Variants in ANKFN1 observed in about 807,000 individuals in gnomAD.
ANKFN1 encodes ankyrin repeat and fibronectin type-III domain-containing protein 1.
A neutral mutation model predicts 108.7 loss-of-function variants in ANKFN1; 74 were observed. That is an observed-to-expected ratio of 0.68 (90% CI 0.56 to 0.83). The LOEUF is 0.83. Ranked by LOEUF, ANKFN1 falls within the 40% of genes least tolerant of loss-of-function variation. ANKFN1 has a pLI of 0.00. For synonymous variants in ANKFN1, 547 were observed against 516.2 expected (o/e 1.06, Z -0.81); for missense variants, 1,505 against 1,382.3 (o/e 1.09, Z -1.41).
chr17:56,381,857 ACT>A (rs1410479386), intron 8 of ANKFN1, among the ~76,000 whole-genome samples: 5 of 152,210 alleles, frequency 3.3e-5, no homozygotes, highest in Non-Finnish European at 5.9e-5. Flanking sequence ...GTTGGAAAAC[ACT>A]CTGCAGGATA....
intron 8 of ANKFN1, among the ~76,000 whole-genome samples, chr17:56,417,953 T>C (rs2048289546): frequency 6.6e-6 from 1 of 152,200 alleles, no homozygotes. Context: ...TACATGAGTG[T>C]TTTCTTGAAT....
At chr17:56,471,521 G>A (rs1429995515) in intron 15 of ANKFN1, 5 of 152,160 alleles carry the variant, frequency 3.3e-5, no homozygotes, top group Admixed American at 3.3e-4. Flanking sequence ...GAATCAGAAA[G>A]ATTGCTGGAA....
chr17:56,203,474 G>A (rs569670219), intron 1 of ANKFN1, among the ~76,000 whole-genome samples: 17 of 152,148 alleles, frequency 1.1e-4, no homozygotes, highest in South Asian at 6.2e-4. Flanking sequence ...TTTGATCTCC[G>A]TGGCCAGTCT....
intron 4 of ANKFN1, among the ~76,000 whole-genome samples, chr17:56,109,716 GA>G (rs2143245215): frequency 6.6e-6 from 1 of 152,330 alleles, no homozygotes; most frequent in African/African-American, 2.4e-5. Context: ...GAGGAGGTAG[GA>G]AGTACAGTAT....
intron 4 of ANKFN1, among the ~76,000 whole-genome samples, chr17:56,067,249 A>G (rs1379828127): frequency 6.6e-6 from 1 of 152,030 alleles, no homozygotes. Context: ...TATATACCAC[A>G]TTTTGTTTAT....
intron 4 of ANKFN1, among the ~76,000 whole-genome samples, chr17:56,058,551 G>A (rs1162316913): frequency 6.6e-6 from 1 of 152,030 alleles, no homozygotes; most frequent in East Asian, 1.9e-4. Context: ...GTGGTTCACT[G>A]TGCCTATTGA....
chr17:56,196,804 C>T (rs2143729090), intron 1 of ANKFN1, among the ~76,000 whole-genome samples: 1 of 152,266 alleles, frequency 6.6e-6, no homozygotes, highest in South Asian at 2.1e-4. Context: ...TTTTGAGCTG[C>T]CATAGCTGTT....
intron 2 of ANKFN1, among the ~76,000 whole-genome samples, chr17:56,219,603 A>G (rs1036918884): frequency 1.3e-5 from 2 of 152,216 alleles, no homozygotes; most frequent in African/African-American, 4.8e-5. Context: ...AATTTATGAT[A>G]TTGACATGCT....
intron 3 of ANKFN1, among the ~76,000 whole-genome samples, chr17:56,266,942 C>T (rs765093634): frequency 6.6e-6 from 1 of 152,126 alleles, no homozygotes; most frequent in Non-Finnish European, 1.5e-5. Flanking sequence ...CTCTTTTCTG[C>T]CTTGGCTACC....
In ANKFN1 at chr17:56,515,171, C is replaced by T. The variant is rs1428242248; in HGVS notation, c.*3902C>T. 6.6e-6 allele frequency among the ~76,000 whole-genome samples: 1 copy of T among 152,086 alleles called. No homozygotes were observed. The highest frequency in any genetic ancestry group is 1.5e-5 in the Non-Finnish European group (1 of 68,004). On this transcript the variant is annotated 3_prime_UTR_variant, in exon 21 of 21. Coordinates refer to ENST00000682825, the MANE Select transcript of ANKFN1 (RefSeq NM_001370326.1). ...ATTCACTGGCTTCTGAAAATGTACA[C>T]ATGTTAGGAAGGTGATGACATTTTT...
chr17:56,257,587 A>T (rs1490652434), intron 3 of ANKFN1, among the ~76,000 whole-genome samples: 1 of 152,118 alleles, frequency 6.6e-6, no homozygotes, highest in Non-Finnish European at 1.5e-5. Context: ...AACCCTTGCC[A>T]GTTTACTCAC....
At chr17:56,368,606 A>G (rs1295757162) in intron 6 of ANKFN1, among the ~76,000 whole-genome samples, 2 of 151,830 alleles carry the variant, frequency 1.3e-5, no homozygotes, top group African/African-American at 4.8e-5. Context: ...TTTTAATGGC[A>G]ATAGGACATT....
At chr17:56,182,717 C>T (rs1852269083) in intron 1 of ANKFN1, among the ~76,000 whole-genome samples, 1 of 152,172 alleles carries the variant, frequency 6.6e-6, no homozygotes, top group East Asian at 1.9e-4. Flanking sequence ...AACAGATTTT[C>T]AATGTAGGAA....
rs1401353955 is a variant in ANKFN1, at chr17:56,188,605, A to G, written c.-70-23993A>G. 3.9e-4 allele frequency among the ~76,000 whole-genome samples: 53 copies of G among 134,508 alleles called. 2 individuals are homozygous for G. The highest frequency in any genetic ancestry group is 1.5e-3 in the African/African-American group (50 of 34,250). 88.2% of individuals were successfully genotyped at this position (134,508 alleles called of 152,430 possible). ...TGTATATATATATATATATATATAT[A>G]TATATATATATGAAATATCCATATT... On this transcript the variant is annotated intron_variant, in intron 1 of 20. Coordinates refer to ENST00000682825, the MANE Select transcript of ANKFN1 (RefSeq NM_001370326.1).
At chr17:56,219,732 AG>A (rs1915705387) in intron 2 of ANKFN1, among the ~76,000 whole-genome samples, 1 of 152,018 alleles carries the variant, frequency 6.6e-6, no homozygotes. Flanking sequence ...TTGTTTTGGG[AG>A]TCAGTTTTGA....
intron 2 of ANKFN1, among the ~76,000 whole-genome samples, chr17:56,216,105 CT>C (rs982169553): frequency 3.9e-5 from 6 of 152,124 alleles, no homozygotes; most frequent in South Asian, 2.1e-4. Context: ...TTCAGTGGGG[CT>C]TTTTTCCCCC....
At chr17:56,248,408 T>G (rs1567862394) in intron 3 of ANKFN1, among the ~76,000 whole-genome samples, 1 of 152,238 alleles carries the variant, frequency 6.6e-6, no homozygotes, top group Non-Finnish European at 1.5e-5. Context: ...CATTCATTAG[T>G]ATACACAATC....
intron 3 of ANKFN1, among the ~76,000 whole-genome samples, chr17:56,280,024 T>TTTTTTC (rs1434432891): frequency 6.7e-6 from 1 of 149,862 alleles, no homozygotes; most frequent in African/African-American, 2.5e-5. Context: ...TTTTTTTTTT[T>TTTTTTC]CTCAAGACGG....
chr17:56,314,774 C>T (rs1440115372), intron 3 of ANKFN1, among the ~76,000 whole-genome samples: 1 of 152,178 alleles, frequency 6.6e-6, no homozygotes, highest in African/African-American at 2.4e-5. Context: ...AAGCTGCCCT[C>T]ATCAGTAATC....
Sources: gnomAD v4.1 joint callset for allele counts (sites outside exome capture counted in the v4.1 genomes callset) on GRCh38, gnomAD v4.1.1 for gene constraint, MANE v1.5 for transcripts, NCBI Gene and HGNC (gene_info 2026-07-23, HGNC 2026-07-21) for gene names.